The following CBY1 variants were observed in gnomAD, a reference collection of about 807,000 sequenced individuals.
CBY1 encodes chibby 1, beta catenin antagonist, also known as protein chibby homolog 1.
CBY1 carries 10 observed loss-of-function variants against 15.6 expected under a neutral mutation model. That is an observed-to-expected ratio of 0.64 (90% confidence interval 0.40 to 1.09). The LOEUF (loss-of-function observed/expected upper bound fraction) is 1.09, where lower values mean the gene tolerates loss of function less well. Ranked by LOEUF, CBY1 falls within the 50% of genes least tolerant of loss-of-function variation. The pLI, the probability that CBY1 is intolerant of heterozygous loss-of-function variation, is 0.01. For missense variants in CBY1, 150 were observed against 160.5 expected (o/e 0.93, Z 0.35); for synonymous variants, 61 against 63.5 (o/e 0.96, Z 0.19).
intron 4 of CBY1, 49 bp from the exon 5 acceptor site, chr22:38,673,110 C>CA: frequency 7.1e-7 from 1 of 1,402,192 alleles, no homozygotes; most frequent in South Asian, 1.2e-5. Context: ...TAACCCGAAA[C>CA]ATTTCCTAGA....
chr22:38,673,084 G>A (rs912893912), intron 4 of CBY1, 75 bp from the exon 5 acceptor site: 240 of 1,010,846 alleles, frequency 2.4e-4, no homozygotes, highest in Non-Finnish European at 4.9e-5. Flanking sequence ...TCCTCCGTGT[G>A]TAGGGCCGGC....
chr22:38,662,567 T>C (rs920390341), intron 1 of CBY1, among the ~76,000 whole-genome samples: 3 of 152,002 alleles, frequency 2.0e-5, no homozygotes, highest in Admixed American at 6.6e-5. Context: ...CTCAGCTCAC[T>C]GCAACCTCTG....
At chr22:38,673,040 A>G (rs3747173) in intron 4 of CBY1, 119 bp from the exon 5 acceptor site, 187,540 of 662,814 alleles carry the variant, frequency 0.28, 27,357 homozygotes, top group East Asian at 0.35. Flanking sequence ...CCATCGAGGA[A>G]GCCAGCAGCA....
chr22:38,671,343 T>A, intron 4 of CBY1, 155 bp downstream of exon 4: 1 of 672,412 alleles, frequency 1.5e-6, no homozygotes, highest in Non-Finnish European at 2.7e-6. Context: ...ACACAGTTCC[T>A]GCCCTCACAG....
At chr22:38,660,505 CT>C (rs1352929295) in intron 1 of CBY1, among the ~76,000 whole-genome samples, 1 of 151,846 alleles carries the variant, frequency 6.6e-6, no homozygotes, top group Non-Finnish European at 1.5e-5. Context: ...GAAAATGCAT[CT>C]TTTAATGATG....
At chr22:38,664,470 CAAA>C (rs35322853) in intron 1 of CBY1, among the ~76,000 whole-genome samples, 1 of 92,032 alleles carries the variant, frequency 1.1e-5, no homozygotes, top group Non-Finnish European at 2.3e-5. Context: ...GACTCCATCT[CAAA>C]AAAAAAAAAA....
At position 38,658,698 on chromosome 22, in the gene CBY1, C is replaced by T. The variant is rs1319157949; in HGVS notation, c.-39+1948C>T. ...TCACTGTGTTAGCCAGAGTGGTCTC[C>T]ATCTCCTGACCTCGTGATCCGCCCG... On this transcript the variant is annotated intron_variant, in intron 1 of 4. Transcript: ENST00000216029. 2.7e-5 allele frequency among the ~76,000 whole-genome samples: 4 copies of T among 146,984 alleles called. No homozygotes were observed. In the Admixed American group the frequency reaches 2.7e-4, roughly 10 times the overall value.
At chr22:38,667,637 G>C (rs1387257160) in intron 1 of CBY1, 1 of 174,906 alleles carries the variant, frequency 5.7e-6, no homozygotes, top group African/African-American at 2.4e-5. Flanking sequence ...AGACTGGGAA[G>C]TCCAAGAGCA....
At chr22:38,663,379 C>T (rs371429096) in intron 1 of CBY1, among the ~76,000 whole-genome samples, 9 of 151,540 alleles carry the variant, frequency 5.9e-5, no homozygotes, top group South Asian at 4.2e-4. Flanking sequence ...CGCTTGAACC[C>T]GGGAGGCGGA....
chr22:38,666,073 A>T (rs2092434952), intron 1 of CBY1, among the ~76,000 whole-genome samples: 1 of 151,550 alleles, frequency 6.6e-6, no homozygotes. Flanking sequence ...CTTGGGCTCA[A>T]GCAATCCTCT....
At position 38,658,666 on chromosome 22, in the gene CBY1, CG is replaced by C. The variant is rs1216103613; in HGVS notation, c.-39+1920del. Among the ~76,000 whole-genome samples the C allele has an allele frequency of 3.3e-5, 5 of 151,788 alleles. No individual in the cohort carries two copies. The East Asian group carries it at 9.7e-4, about 30-fold the overall frequency. On this transcript the variant is annotated intron_variant, in intron 1 of 4. Coordinates refer to ENST00000216029, the MANE Select transcript of CBY1 (RefSeq NM_015373.4). ...TAATTTTTTGTATTTTTAGTAGAGA[CG>C]GGGTTTCACTGTGTTAGCCAGAGTG...
intron 1 of CBY1, chr22:38,657,179 A>G (rs973520432): frequency 6.9e-6 from 6 of 863,568 alleles, no homozygotes; most frequent in Non-Finnish European, 8.3e-6. Context: ...TTGCAAACGG[A>G]AAACCTTTAC....
intron 1 of CBY1, chr22:38,665,406 G>T: frequency 2.7e-6 from 1 of 365,596 alleles, no homozygotes. Context: ...TGAGGCTACA[G>T]TGAACAGAGA....
At chr22:38,668,255 CATTGCT>C in intron 2 of CBY1, 123 bp downstream of exon 2, 2 of 624,226 alleles carry the variant, frequency 3.2e-6, no homozygotes, top group Non-Finnish European at 5.9e-6. Flanking sequence ...CCGTCCATAT[CATTGCT>C]ATTGCGGAAA....
At chr22:38,667,866 A>T in intron 1 of CBY1, 151 bp from the exon 2 acceptor site, 1 of 597,974 alleles carries the variant, frequency 1.7e-6, no homozygotes, top group South Asian at 2.0e-5. Flanking sequence ...ATGGCAATTC[A>T]ATTTCAACAT....
chr22:38,668,377 T>C, intron 2 of CBY1: 1 of 385,228 alleles, frequency 2.6e-6, no homozygotes, highest in South Asian at 3.5e-5. Context: ...CAAATTTTTT[T>C]TTTCTTTTTT....
intron 1 of CBY1, among the ~76,000 whole-genome samples, chr22:38,663,184 C>T (rs1041457022): frequency 6.6e-6 from 1 of 152,106 alleles, no homozygotes; most frequent in Admixed American, 6.6e-5. Flanking sequence ...TGGCTGGGAG[C>T]TGTGGCTCAC....
At chr22:38,664,845 T>G (rs2092431671) in intron 1 of CBY1, among the ~76,000 whole-genome samples, 1 of 152,046 alleles carries the variant, frequency 6.6e-6, no homozygotes. Context: ...TTCTTAGCAG[T>G]AGTTTTTTTT....
rs757730610 is a variant in CBY1, at chr22:38,671,080, TAGTGGC to T, written c.196_201del (p.Ser66_Gly67del). 4.3e-6 allele frequency: 7 copies of T among 1,613,926 alleles called. No homozygotes were observed. The African/African-American group carries it at 9.3e-5, about 22-fold the overall frequency. On this transcript the variant is annotated inframe_deletion, in exon 4 of 5. Coordinates refer to ENST00000216029, the MANE Select transcript of CBY1 (RefSeq NM_015373.4). ...CTGTCCTTCCTCCAGAGACAGGGGTTAGTGGCGGTGTGGACCGGAGGGAGGTTCAGC... is the reference window on the plus strand; with the variant it reads ...CTGTCCTTCCTCCAGAGACAGGGGTTGGTGTGGACCGGAGGGAGGTTCAGC...
Sources: allele counts gnomAD v4.1 joint callset (sites outside exome capture counted in the v4.1 genomes callset), GRCh38; gene constraint gnomAD v4.1.1; transcripts MANE v1.5; gene names NCBI Gene and HGNC (gene_info 2026-07-23, HGNC 2026-07-21).